ANKRD12: variants seen among roughly 807,000 people sequenced by gnomAD.
The protein encoded by ANKRD12 is ankyrin repeat domain 12.
Under a neutral mutation model 183.4 loss-of-function variants are expected in ANKRD12, and 85 were observed. The ratio of observed to expected loss-of-function variants is 0.46; its 90% CI spans 0.39 to 0.56. ANKRD12 has a LOEUF of 0.56. ANKRD12 is among the 20% of genes least tolerant of loss of function. The pLI, the probability that ANKRD12 is intolerant of heterozygous loss-of-function variation, is 0.00. For synonymous variants in ANKRD12, 914 were observed against 800.2 expected (o/e 1.14, Z -2.40); for missense variants, 2,405 against 2,357.1 (o/e 1.02, Z -0.42).
chr18:9,142,051 C>CACGCCTGGCTAA (rs1555701637), intron 1 of ANKRD12, among the ~76,000 whole-genome samples: 1 of 152,114 alleles, frequency 6.6e-6, no homozygotes, highest in Non-Finnish European at 1.5e-5. Flanking sequence ...TCTTAGCCAC[C>CACGCCTGGCTAA]TTACCTTGCT....
intron 3 of ANKRD12, among the ~76,000 whole-genome samples, chr18:9,199,252 C>T (rs1325206477): frequency 1.3e-5 from 2 of 152,144 alleles, no homozygotes; most frequent in Non-Finnish European, 2.9e-5. Flanking sequence ...GTGATCATGC[C>T]ACTGTACTCC....
At chr18:9,192,242 G>A (rs954713221) in intron 2 of ANKRD12, among the ~76,000 whole-genome samples, 1 of 152,194 alleles carries the variant, frequency 6.6e-6, no homozygotes, top group African/African-American at 2.4e-5. Flanking sequence ...GCTCGAGGAT[G>A]TTAGTTGAAA....
At chr18:9,152,308 C>T (rs2078709601) in intron 1 of ANKRD12, among the ~76,000 whole-genome samples, 1 of 152,112 alleles carries the variant, frequency 6.6e-6, no homozygotes, top group South Asian at 2.1e-4. Context: ...AAAAAGATAC[C>T]TTTAGTGTGT....
rs1183319253 is a variant in ANKRD12, at chr18:9,143,174, A to G, written c.-52+6209A>G. On this transcript the variant is annotated intron_variant, in intron 1 of 12. Coordinates refer to ENST00000262126, the MANE Select transcript of ANKRD12 (RefSeq NM_015208.5). ...TATTAGATACTTTCATGTATGTTAC[A>G]TGTAAGTGTAGATATCTTAAATATC... Among the ~76,000 whole-genome samples, 6 of 152,344 alleles carry G rather than the reference A, an allele frequency of 3.9e-5. 2 individuals carry two copies. The highest frequency in any genetic ancestry group is 3.9e-4 in the Admixed American group (6 of 15,306).
At chr18:9,196,220 A>ACACATTGAGGCTAACTGCCT (rs1185619315) in intron 3 of ANKRD12, among the ~76,000 whole-genome samples, 1 of 147,224 alleles carries the variant, frequency 6.8e-6, no homozygotes, top group Non-Finnish European at 1.5e-5. Context: ...ACACACACAC[A>ACACATTGAGGCTAACTGCCT]CACTGAGGCT....
At chr18:9,161,203 C>T (rs1044961660) in intron 1 of ANKRD12, among the ~76,000 whole-genome samples, 4 of 152,026 alleles carry the variant, frequency 2.6e-5, no homozygotes, top group African/African-American at 4.8e-5. Flanking sequence ...ACCTCCAATA[C>T]CTTAGTAAAA....
chr18:9,250,253 G>C (rs2038209531), intron 8 of ANKRD12: 1 of 152,222 alleles, frequency 6.6e-6, no homozygotes, highest in South Asian at 2.1e-4. Context: ...TCCAGATTTT[G>C]AGAGTTCTTT....
chr18:9,258,959 C>A (rs118119355), intron 9 of ANKRD12, 28 bp downstream of exon 9: 1 of 1,558,062 alleles, frequency 6.4e-7, no homozygotes, highest in Non-Finnish European at 8.7e-7. Flanking sequence ...TTGCTATACA[C>A]CTGTAACACT....
rs2039981817 is a variant in ANKRD12, at chr18:9,278,994, A to G, written c.5908-555A>G. On this transcript the variant is annotated intron_variant, in intron 11 of 12. Coordinates refer to ENST00000262126, the MANE Select transcript of ANKRD12 (RefSeq NM_015208.5). ...TTACAGAGTATAAGACTGAAACTGT[A>G]TAATTAGTTCAAGATCACGTAGTAA... is the stretch of plus-strand genomic sequence containing the variant. 2.0e-5 allele frequency among the ~76,000 whole-genome samples: 3 copies of G among 152,252 alleles called. No individual in the cohort carries two copies. The East Asian group carries it at 5.8e-4, about 29-fold the overall frequency.
intron 9 of ANKRD12, among the ~76,000 whole-genome samples, chr18:9,259,211 C>T (rs536711719): frequency 3.3e-5 from 5 of 152,188 alleles, no homozygotes; most frequent in Admixed American, 6.5e-5. Context: ...GAACTTTATA[C>T]AAACTATTTC....
intron 1 of ANKRD12, among the ~76,000 whole-genome samples, chr18:9,147,216 T>C (rs1332457183): frequency 6.6e-6 from 1 of 152,192 alleles, no homozygotes; most frequent in African/African-American, 2.4e-5. Flanking sequence ...GTACCACTGT[T>C]AAAACTATAT....
chr18:9,176,353 C>T (rs1248052920), intron 1 of ANKRD12, among the ~76,000 whole-genome samples: 5 of 151,950 alleles, frequency 3.3e-5, no homozygotes, highest in Non-Finnish European at 5.9e-5. Flanking sequence ...GTGCAGTGTG[C>T]GACCTCACCT....
chr18:9,189,133 A>G (rs372927421), intron 2 of ANKRD12, among the ~76,000 whole-genome samples: 10 of 152,336 alleles, frequency 6.6e-5, no homozygotes, highest in Admixed American at 3.3e-4. Context: ...ACACCATAAG[A>G]AAGCAAAACA....
At position 9,257,987 on chromosome 18, in the gene ANKRD12, C is replaced by T. The variant is rs770803325; in HGVS notation, c.4720C>T (p.Pro1574Ser). The T allele has an allele frequency of 8.1e-6, 13 of 1,613,778 alleles. No individual in the cohort carries two copies. The highest frequency in any genetic ancestry group is 1.1e-5 in the Non-Finnish European group (13 of 1,179,930). Reference protein sequence around the residue: ...YSDSTIQEASPNFEKAYTLPV... With the variant: ...YSDSTIQEASSNFEKAYTLPV... Reference sequence around the variant, plus strand: ...TGACAGCACTATTCAAGAAGCATCACCAAACTTTGAGAAAGCTTATACTTT... The same window carrying T: ...TGACAGCACTATTCAAGAAGCATCATCAAACTTTGAGAAAGCTTATACTTT... The change falls in exon 9 of 13, where the codon CCA (proline) becomes TCA (serine). Residue 1574 changes from proline to serine, a missense_variant. Around this residue, in one of 7 missense-constraint regions of ANKRD12, gnomAD observed 1,983 missense variants for 1,725.9 expected, o/e 1.15. Transcript: ENST00000262126.
intron 1 of ANKRD12, among the ~76,000 whole-genome samples, chr18:9,139,503 T>C (rs1319041582): frequency 6.6e-6 from 1 of 152,228 alleles, no homozygotes; most frequent in Non-Finnish European, 1.5e-5. Context: ...ACGTAAACTT[T>C]TCTTTAAACC....
chr18:9,258,198 A>C lies in ANKRD12; in HGVS notation c.4931A>C (p.His1644Pro). The change falls in exon 9 of 13, where the codon CAT (histidine) becomes CCT (proline). Residue 1644 changes from histidine to proline, a missense_variant. Physicochemically the swap from His to Pro is moderately conservative, Grantham distance 77. Transcript: ENST00000262126. ...ENKLESLVLTHLSRCDSDLCE... is the reference protein window; with the variant it reads ...ENKLESLVLTPLSRCDSDLCE... Reference sequence around the variant, plus strand: ...AAACTGGAGAGTTTGGTTTTAACTCATTTGAGTAGGTGTGATTCTGATTTA... The same window carrying C: ...AAACTGGAGAGTTTGGTTTTAACTCCTTTGAGTAGGTGTGATTCTGATTTA... 1 of 1,613,884 alleles carries C rather than the reference A, an allele frequency of 6.2e-7. No homozygotes were observed. Among genetic ancestry groups the C allele is most frequent in the Non-Finnish European group, 8.5e-7 (1 of 1,179,942 alleles).
intron 8 of ANKRD12, among the ~76,000 whole-genome samples, chr18:9,251,437 A>T (rs1271040330): frequency 6.6e-6 from 1 of 152,236 alleles, no homozygotes; most frequent in Non-Finnish European, 1.5e-5. Context: ...GATGTGCAAG[A>T]ACTTTCAAAT....
chr18:9,257,075 C>A lies in ANKRD12; in HGVS notation c.3808C>A (p.Pro1270Thr), dbSNP rs1202707274. The A allele has an allele frequency of 4.3e-6, 7 of 1,614,108 alleles. No individual in the cohort carries two copies. Among genetic ancestry groups the A allele is most frequent in the Non-Finnish European group, 5.9e-6 (7 of 1,179,990 alleles). Residue 1270 changes from proline to threonine, a missense_variant, in exon 9 of 13, where the codon CCG becomes ACG. By Grantham distance (38) the Pro-to-Thr change is conservative. Coordinates refer to ENST00000262126, the MANE Select transcript of ANKRD12 (RefSeq NM_015208.5). ...ERELDSLADL[P>T]ERIKPPYANR... ...GGAATTGGACAGCCTGGCTGACTTG[C>A]CGGAGCGGATTAAACCACCATATGC...
At position 9,256,282 on chromosome 18, in the gene ANKRD12, AGAT is replaced by A. The variant is rs746663929; in HGVS notation, c.3018_3020del (p.Asp1006del). 6.2e-6 allele frequency: 10 copies of A among 1,606,310 alleles called. No individual in the cohort carries two copies. The highest frequency in any genetic ancestry group is 8.5e-6 in the Non-Finnish European group (10 of 1,177,676). On this transcript the variant is annotated inframe_deletion, in exon 9 of 13. Coordinates refer to ENST00000262126, the MANE Select transcript of ANKRD12 (RefSeq NM_015208.5). ...CCTTATCCCTTAAAGAAAAAACAAA[AGAT>A]GAACCTTTGAAAACTCCAGATGGAA...
Sources: allele counts gnomAD v4.1 joint callset (sites outside exome capture counted in the v4.1 genomes callset), GRCh38; gene constraint gnomAD v4.1.1; regional missense constraint gnomAD v4.1.1; transcripts MANE v1.5; gene names NCBI Gene and HGNC (gene_info 2026-07-23, HGNC 2026-07-21).